The following PARPBP variants were observed in gnomAD, a reference collection of about 807,000 sequenced individuals.
PARPBP encodes the protein PARP1 binding protein, also known as PCNA-interacting partner.
Under a neutral mutation model 50.0 loss-of-function variants are expected in PARPBP, and 52 were observed. That is an observed-to-expected ratio of 1.04 (90% CI 0.83 to 1.31). The LOEUF (loss-of-function observed/expected upper bound fraction) is 1.31. Among genes scored for constraint, PARPBP ranks in the 50% most tolerant of loss-of-function variants. PARPBP has a pLI of 0.00. For synonymous variants in PARPBP, 244 were observed against 232.1 expected, an observed-to-expected ratio of 1.05 and a Z score of -0.47; for missense variants, 697 against 672.0, an observed-to-expected ratio of 1.04 and a Z score of -0.41.
chr12:102,196,980 ATC>A lies in PARPBP; in HGVS notation c.*694_*695del. ...TTTGAAAAGACTACTCACTGTCAAA[ATC>A]TCTCCTTCCTATAGGAAATTTAGCT... is the stretch of plus-strand genomic sequence containing the variant. On this transcript the variant is annotated 3_prime_UTR_variant, in exon 11 of 11. Coordinates refer to ENST00000327680, the MANE Select transcript of PARPBP (RefSeq NM_017915.5). 1 of 1,609,996 alleles carries A rather than the reference ATC, an allele frequency of 6.2e-7. No homozygotes were observed. Among genetic ancestry groups the A allele is most frequent in the Non-Finnish European group, 8.5e-7 (1 of 1,177,178 alleles).
chr12:102,137,174 C>T (rs1189437651), intron 2 of PARPBP, among the ~76,000 whole-genome samples: 5 of 152,064 alleles, frequency 3.3e-5, no homozygotes, highest in Non-Finnish European at 7.4e-5. Flanking sequence ...AGGATGGTCT[C>T]GATCTCCTGA....
At position 102,182,488 on chromosome 12, in the gene PARPBP, G is replaced by A. The variant is rs17032294; in HGVS notation, c.1185-61G>A. 8.2e-3 allele frequency: 9,567 copies of A among 1,169,980 alleles called. 257 individuals are homozygous for A. The highest frequency in any genetic ancestry group is 0.076 in the African/African-American group (4,949 of 65,290). 72.5% of individuals were successfully genotyped at this position (1,169,980 alleles called of 1,614,324 possible). A position where few individuals can be genotyped will look rare whatever the true frequency, so the allele number is the denominator to read the frequency against. ...GGGAATTAAGTTTCAACGTGAATTT[G>A]GAGGGAAACAAACATTCCAACCATA... On this transcript the variant is annotated intron_variant, in intron 8 of 10. Transcript: ENST00000327680.
chr12:102,127,784 T>C (rs2137203929), intron 2 of PARPBP, among the ~76,000 whole-genome samples: 1 of 152,330 alleles, frequency 6.6e-6, no homozygotes, highest in East Asian at 1.9e-4. Context: ...CAGAGCAGTT[T>C]GTATTATGGC....
Position 102,196,021 on chromosome 12 carries a change from TA to T in PARPBP, c.1475del (p.Asn492MetfsTer60), listed in dbSNP as rs1193307849. Reference sequence around the variant, plus strand: ...TTGGAAATGTTCATCTGGACAGAAGTAAAAATGAAAAAGTATCAAGAAAATC... The same window carrying T: ...TTGGAAATGTTCATCTGGACAGAAGTAAAATGAAAAAGTATCAAGAAAATC... ...SFGNVHLDRS[K>X]NEKVSRKSTS... On this transcript the variant is annotated frameshift_variant, in exon 11 of 11. Coordinates refer to ENST00000327680, the MANE Select transcript of PARPBP (RefSeq NM_017915.5). LOFTEE classifies it low-confidence loss of function (END_TRUNC). 3 of 1,610,870 alleles carry T rather than the reference TA, an allele frequency of 1.9e-6. No homozygotes were observed. Among genetic ancestry groups the T allele is most frequent in the East Asian group, 2.2e-5 (1 of 44,718 alleles).
At chr12:102,150,372 G>T (rs1886028483) in intron 3 of PARPBP, 2 of 414,940 alleles carry the variant, frequency 4.8e-6, no homozygotes. Context: ...CTCTTTCAAG[G>T]TACATATTAG....
intron 9 of PARPBP, among the ~76,000 whole-genome samples, chr12:102,189,422 A>G (rs1294420318): frequency 6.6e-6 from 1 of 152,344 alleles, no homozygotes; most frequent in East Asian, 1.9e-4. Flanking sequence ...TCCTAGTCAC[A>G]TGTGGCTATT....
At chr12:102,125,439 T>C (rs930992049) in intron 2 of PARPBP, among the ~76,000 whole-genome samples, 11 of 152,146 alleles carry the variant, frequency 7.2e-5, no homozygotes, top group African/African-American at 1.9e-4. Context: ...GAAAGTACCA[T>C]TTGAGCAAAG....
At chr12:102,122,707 G>A (rs965225125) in intron 1 of PARPBP, among the ~76,000 whole-genome samples, 1 of 152,186 alleles carries the variant, frequency 6.6e-6, no homozygotes, top group Non-Finnish European at 1.5e-5. Context: ...TTAACATGAT[G>A]CTTTAAGAAC....
At chr12:102,136,500 AT>A (rs1565857869) in intron 2 of PARPBP, among the ~76,000 whole-genome samples, 1 of 152,238 alleles carries the variant, frequency 6.6e-6, no homozygotes, top group Admixed American at 6.5e-5. Flanking sequence ...GAATTTTCAC[AT>A]ACTGAAATAT....
chr12:102,120,532 C>G (rs939311407), intron 1 of PARPBP: 1 of 456,138 alleles, frequency 2.2e-6, no homozygotes, highest in African/African-American at 2.0e-5. Flanking sequence ...AAGACAGGCC[C>G]GTAGAGGCCT....
intron 8 of PARPBP, among the ~76,000 whole-genome samples, chr12:102,181,768 T>C (rs1256802430): frequency 6.6e-6 from 1 of 152,172 alleles, no homozygotes; most frequent in Admixed American, 6.5e-5. Flanking sequence ...CACCCCAGAC[T>C]AGATAATTTG....
chr12:102,167,548 G>C (rs550941543), intron 6 of PARPBP, among the ~76,000 whole-genome samples: 113 of 152,234 alleles, frequency 7.4e-4, no homozygotes, highest in African/African-American at 2.7e-3. Flanking sequence ...TTTATAGCAT[G>C]ATGCCCAGTT....
intron 2 of PARPBP, among the ~76,000 whole-genome samples, chr12:102,133,854 A>G (rs1406345407): frequency 2.0e-5 from 3 of 152,168 alleles, no homozygotes; most frequent in Admixed American, 1.3e-4. Context: ...AAAATTAACA[A>G]ACACGTGGAA....
chr12:102,134,258 TGAA>T (rs1335940927), intron 2 of PARPBP, among the ~76,000 whole-genome samples: 1 of 110,586 alleles, frequency 9.0e-6, no homozygotes, highest in Non-Finnish European at 2.0e-5. Flanking sequence ...AAAAAAGAAA[TGAA>T]AAAGGATACA....
intron 4 of PARPBP, among the ~76,000 whole-genome samples, chr12:102,163,566 G>A (rs891841548): frequency 2.6e-5 from 4 of 152,020 alleles, no homozygotes; most frequent in Admixed American, 6.6e-5. Flanking sequence ...TTCCAATTAC[G>A]TGTATGTTTG....
chr12:102,182,702 C>T, intron 9 of PARPBP, 75 bp downstream of exon 9: 1 of 965,242 alleles, frequency 1.0e-6, no homozygotes. Context: ...TGAAGCTGAG[C>T]TGGGTATTGT....
intron 4 of PARPBP, among the ~76,000 whole-genome samples, chr12:102,157,320 A>G (rs140838398): frequency 4.6e-5 from 7 of 152,346 alleles, no homozygotes; most frequent in Admixed American, 6.5e-5. Context: ...ACCGCAATAT[A>G]AGAAATAAGA....
At chr12:102,176,394 G>C (rs1889285961) in intron 7 of PARPBP, among the ~76,000 whole-genome samples, 1 of 152,178 alleles carries the variant, frequency 6.6e-6, no homozygotes, top group Non-Finnish European at 1.5e-5. Flanking sequence ...CAACAGTCCT[G>C]TTAGAAATTG....
chr12:102,187,119 A>C (rs906883936), intron 9 of PARPBP, among the ~76,000 whole-genome samples: 1 of 152,192 alleles, frequency 6.6e-6, no homozygotes, highest in Non-Finnish European at 1.5e-5. Flanking sequence ...CAAAGTAATA[A>C]AAACTAATAA....
Sources: allele counts gnomAD v4.1 joint callset (sites outside exome capture counted in the v4.1 genomes callset), GRCh38; gene constraint gnomAD v4.1.1; transcripts MANE v1.5; gene names NCBI Gene and HGNC (gene_info 2026-07-23, HGNC 2026-07-21).